The following MS4A10 variants were observed in gnomAD, a reference collection of about 807,000 sequenced individuals.
The protein encoded by MS4A10 is membrane-spanning 4-domains subfamily A member 10.
Under a neutral mutation model 27.7 loss-of-function variants are expected in MS4A10, and 27 were observed. The observed-to-expected ratio is 0.98, with a 90% CI of 0.72 to 1.35. MS4A10 has a LOEUF of 1.35. MS4A10 is among the 40% of genes most tolerant of loss of function. The pLI, the probability that MS4A10 is intolerant of heterozygous loss-of-function variation, is 0.00. For missense variants in MS4A10, 338 were observed against 324.7 expected (o/e 1.04, Z -0.32); for synonymous variants, 139 against 131.2 (o/e 1.06, Z -0.41).
intron 7 of MS4A10, among the ~76,000 whole-genome samples, chr11:60,799,143 G>A (rs1854587005): frequency 6.6e-6 from 1 of 152,190 alleles, no homozygotes; most frequent in South Asian, 2.1e-4. Context: ...CTGTAAAGTG[G>A]AGGTGCAAGG....
At chr11:60,790,937 A>AT (rs1854420047) in intron 2 of MS4A10, 37 bp from the exon 3 acceptor site, 1 of 1,611,918 alleles carries the variant, frequency 6.2e-7, no homozygotes, top group Admixed American at 1.7e-5. Context: ...CCAGTGACCG[A>AT]TGCCCTCACC....
rs148599220 is a variant in MS4A10, at chr11:60,799,855, G to A, written c.750G>A (p.Pro250=). The change falls in exon 8 of 8, where the codon CCG becomes CCA. Residue 250 remains proline, a synonymous_variant. Transcript: ENST00000308287. Reference sequence around the variant, plus strand: ...TCAGAGAAGTTAAGCAAGTTGCCCCGGACACATGGATAGTCACTGACGGAG... The same window carrying A: ...TCAGAGAAGTTAAGCAAGTTGCCCCAGACACATGGATAGTCACTGACGGAG... The part of the protein sequence containing the change: ...QRLREVKQVA[P]DTWIVTDGAA... The A allele has an allele frequency of 2.5e-5, 40 of 1,589,568 alleles. No individual in the cohort carries two copies. The highest frequency in any genetic ancestry group is 1.7e-4 in the Middle Eastern group (1 of 6,002).
At position 60,788,930 on chromosome 11, in the gene MS4A10, C is replaced by A. The variant is rs79122479; in HGVS notation, c.-22-1384C>A. ...CTCTTCTATGCAATGGTGCTGACTT[C>A]CTGAGTATTAAGGGAGGTTGCCAGG... On this transcript the variant is annotated intron_variant, in intron 1 of 7. Coordinates refer to ENST00000308287, the MANE Select transcript of MS4A10 (RefSeq NM_206893.4). Among the ~76,000 whole-genome samples the A allele has an allele frequency of 2.2e-3, 334 of 152,332 alleles. 1 individual carries two copies. Among genetic ancestry groups the A allele is most frequent in the African/African-American group, 7.3e-3 (302 of 41,578 alleles).
rs1854612103 is a variant in MS4A10, at chr11:60,800,370, C to T, written c.*461C>T. 6.4e-6 allele frequency: 1 copy of T among 157,328 alleles called. No individual in the cohort carries two copies. The highest frequency in any genetic ancestry group is 2.4e-5 in the African/African-American group (1 of 41,548). The allele number at this position is 157,328 out of a possible 1,614,324, so 9.7% of individuals were successfully genotyped here. On this transcript the variant is annotated 3_prime_UTR_variant, in exon 8 of 8. Coordinates refer to ENST00000308287, the MANE Select transcript of MS4A10 (RefSeq NM_206893.4). ...TGCACCATATTGGTCAGCCTGGTCTCAAACTCCTGACCTCAGGTGATCCAC... is the reference window on the plus strand; with the variant it reads ...TGCACCATATTGGTCAGCCTGGTCTTAAACTCCTGACCTCAGGTGATCCAC...
chr11:60,787,725 A>G (rs1854363865), intron 1 of MS4A10, among the ~76,000 whole-genome samples: 1 of 152,124 alleles, frequency 6.6e-6, no homozygotes, highest in African/African-American at 2.4e-5. Flanking sequence ...GAAAAAAAAG[A>G]TCCTATGGCC....
chr11:60,790,886 C>T, intron 2 of MS4A10, 88 bp from the exon 3 acceptor site: 2 of 1,555,066 alleles, frequency 1.3e-6, no homozygotes, highest in Non-Finnish European at 8.7e-7. Flanking sequence ...AGGGACTCAC[C>T]ACAGCCAGTA....
intron 5 of MS4A10, 115 bp from the exon 6 acceptor site, chr11:60,795,440 C>A: frequency 1.8e-6 from 1 of 552,132 alleles, no homozygotes; most frequent in Non-Finnish European, 2.9e-6. Flanking sequence ...GAGCTGAAAC[C>A]CCACCTGCCC....
chr11:60,798,606 C>T (rs1260251548), intron 7 of MS4A10, 92 bp downstream of exon 7: 11 of 969,554 alleles, frequency 1.1e-5, no homozygotes, highest in Non-Finnish European at 1.6e-5. Flanking sequence ...CCCAGGGGAG[C>T]TGTAAGGGGC....
At chr11:60,789,057 T>C (rs1378574081) in intron 1 of MS4A10, among the ~76,000 whole-genome samples, 1 of 152,180 alleles carries the variant, frequency 6.6e-6, no homozygotes, top group Non-Finnish European at 1.5e-5. Flanking sequence ...CTTTCCCCTC[T>C]ACCCAATCCA....
At chr11:60,794,140 C>T (rs751026) in intron 5 of MS4A10, 37 bp downstream of exon 5, 833,843 of 1,610,840 alleles carry the variant, frequency 0.52, 222,869 homozygotes, top group East Asian at 0.87. Flanking sequence ...CTGACTTCAG[C>T]GAAGGTGCTG....
chr11:60,799,059 T>C (rs1854584433), intron 7 of MS4A10, among the ~76,000 whole-genome samples: 1 of 152,198 alleles, frequency 6.6e-6, no homozygotes, highest in African/African-American at 2.4e-5. Context: ...CCATAGAAAC[T>C]GTGTACAGTT....
intron 1 of MS4A10, among the ~76,000 whole-genome samples, chr11:60,786,710 C>T (rs906424325): frequency 3.3e-5 from 5 of 152,280 alleles, no homozygotes; most frequent in Non-Finnish European, 5.9e-5. Flanking sequence ...GAGAACCAGA[C>T]GAGGACAAGG....
chr11:60,786,163 G>GCACACACATGCACACA (rs1854331807), intron 1 of MS4A10, among the ~76,000 whole-genome samples: 1 of 140,490 alleles, frequency 7.1e-6, no homozygotes, highest in Non-Finnish European at 1.5e-5. Flanking sequence ...GCACATGCAT[G>GCACACACATGCACACA]CACACACATG....
intron 1 of MS4A10, among the ~76,000 whole-genome samples, chr11:60,789,960 C>T (rs976911889): frequency 6.6e-6 from 1 of 152,178 alleles, no homozygotes; most frequent in Non-Finnish European, 1.5e-5. Context: ...GTTTACAAAG[C>T]CCCTCCATTG....
intron 6 of MS4A10, among the ~76,000 whole-genome samples, chr11:60,798,089 C>T (rs1387186828): frequency 6.6e-6 from 1 of 152,196 alleles, no homozygotes; most frequent in Non-Finnish European, 1.5e-5. Context: ...CATGGCCCAG[C>T]CCCCCTCAGG....
chr11:60,790,633 C>T, intron 2 of MS4A10, 115 bp downstream of exon 2: 1 of 1,153,946 alleles, frequency 8.7e-7, no homozygotes, highest in Non-Finnish European at 1.2e-6. Context: ...TCCAGCTTTC[C>T]TGCTGAACAT....
chr11:60,788,704 A>G (rs753363613), intron 1 of MS4A10, among the ~76,000 whole-genome samples: 15 of 152,226 alleles, frequency 9.9e-5, no homozygotes, highest in Non-Finnish European at 1.9e-4. Flanking sequence ...CCCAGGAAAG[A>G]GGGAGACCCT....
At chr11:60,796,821 G>A (rs1854541709) in intron 6 of MS4A10, among the ~76,000 whole-genome samples, 1 of 151,462 alleles carries the variant, frequency 6.6e-6, no homozygotes. Flanking sequence ...AACAGTTCAG[G>A]ATAAGGATGT....
In MS4A10 at chr11:60,792,588, C is replaced by T. The variant is rs146938571; in HGVS notation, c.360+267C>T. On this transcript the variant is annotated intron_variant, in intron 4 of 7. Coordinates refer to ENST00000308287, the MANE Select transcript of MS4A10 (RefSeq NM_206893.4). Reference sequence around the variant, plus strand: ...CAGAGAAGGAAATGGCTCCCAGGCACCCTGACCCATCCATCTAGGACACAA... The same window carrying T: ...CAGAGAAGGAAATGGCTCCCAGGCATCCTGACCCATCCATCTAGGACACAA... 2.1e-3 allele frequency among the ~76,000 whole-genome samples: 317 copies of T among 152,320 alleles called. 1 individual carries two copies. The highest frequency in any genetic ancestry group is 7.5e-3 in the African/African-American group (310 of 41,578).
Sources: allele counts gnomAD v4.1 joint callset (sites outside exome capture counted in the v4.1 genomes callset), GRCh38; gene constraint gnomAD v4.1.1; transcripts MANE v1.5; gene names NCBI Gene and HGNC (gene_info 2026-07-23, HGNC 2026-07-21).